Variants in AHRR observed in about 807,000 individuals in gnomAD.
AHRR encodes the protein aryl hydrocarbon receptor repressor.
AHRR carries 28 observed loss-of-function variants against 44.0 expected under a neutral mutation model. The ratio of observed to expected loss-of-function variants is 0.64; its 90% CI spans 0.47 to 0.87. The LOEUF (loss-of-function observed/expected upper bound fraction) is 0.87. AHRR is among the 40% of genes least tolerant of loss of function. The pLI is 0.00. For synonymous variants in AHRR, 434 were observed against 407.0 expected (o/e 1.07, Z -0.80); for missense variants, 990 against 953.9 (o/e 1.04, Z -0.50).
chr5:398,409 C>CTGG (rs1734861323), intron 4 of AHRR, among the ~76,000 whole-genome samples: 1 of 135,382 alleles, frequency 7.4e-6, no homozygotes, highest in African/African-American at 2.8e-5. Context: ...GACTGTCCAC[C>CTGG]TTAGCCCCTG....
chr5:372,786 C>A (rs1336832202), intron 3 of AHRR, among the ~76,000 whole-genome samples: 1 of 152,220 alleles, frequency 6.6e-6, no homozygotes, highest in Non-Finnish European at 1.5e-5. Context: ...GACCTGCCTT[C>A]TGGCTCCTCC....
intron 7 of AHRR, among the ~76,000 whole-genome samples, chr5:425,969 A>G (rs1736369017): frequency 2.0e-5 from 3 of 152,214 alleles, no homozygotes; most frequent in African/African-American, 7.2e-5. Flanking sequence ...CACAGGGCCA[A>G]CTGAAAATGG....
chr5:422,681 T>TA (rs1384327650), intron 5 of AHRR, 48 bp from the exon 6 acceptor site: 1 of 1,613,856 alleles, frequency 6.2e-7, no homozygotes, highest in Non-Finnish European at 8.5e-7. Context: ...ATAAAGTGTC[T>TA]AAAGCCACTT....
chr5:392,588 C>T lies in AHRR; in HGVS notation c.351+15872C>T, dbSNP rs943909872. Among the ~76,000 whole-genome samples the T allele has an allele frequency of 3.9e-5, 6 of 152,270 alleles. No homozygotes were observed. The South Asian group carries it at 1.2e-3, about 32-fold the overall frequency. On this transcript the variant is annotated intron_variant, in intron 4 of 10. Transcript: ENST00000684583. Reference sequence around the variant, plus strand: ...ACCCAACAGTGACTCGTTATGTAAGCGTGTGACTTAGCAAGACAGAGGAAA... The same window carrying T: ...ACCCAACAGTGACTCGTTATGTAAGTGTGTGACTTAGCAAGACAGAGGAAA...
rs541845192 is a variant in AHRR at position 388,790 on chromosome 5, A to G, written c.351+12074A>G. Among the ~76,000 whole-genome samples, 1 of 152,282 alleles carries G rather than the reference A, an allele frequency of 6.6e-6. No individual in the cohort carries two copies. The highest frequency in any genetic ancestry group is 2.1e-4 in the South Asian group (1 of 4,820). On this transcript the variant is annotated intron_variant, in intron 4 of 10. Transcript: ENST00000684583. This position sits in a 1 kb window ranked among gnomAD's most constrained non-coding sequence, Gnocchi z 5.2. ...TTCAAACCTCAAAGCCACTGGGCAG[A>G]GGTTCCGTCCCGCTGGCTGGATGGA... is the stretch of plus-strand genomic sequence containing the variant.
Position 436,272 on chromosome 5 carries a change from CT to C in AHRR, c.*1439del, listed in dbSNP as rs5865330. 2,987 of 49,030 alleles carry C rather than the reference CT, an allele frequency of 0.061. 119 individuals are homozygous for C. Among genetic ancestry groups the C allele is most frequent in the Non-Finnish European group, 0.091 (1,764 of 19,292 alleles). 3.0% of individuals were successfully genotyped at this position (49,030 alleles called of 1,614,324 possible). A position where few individuals can be genotyped will look rare whatever the true frequency, so the allele number is the denominator to read the frequency against. On this transcript the variant is annotated 3_prime_UTR_variant, in exon 11 of 11. Coordinates refer to ENST00000684583, the MANE Select transcript of AHRR (RefSeq NM_001377236.1). ...CCCGCGGGTGAGGGACCCACCACCC[CT>C]AGGGACCCACCACCCCGCCGCACTG...
At chr5:376,555 A>ACCGTGGGT in intron 3 of AHRR, 55 bp from the exon 4 acceptor site, 1 of 1,428,920 alleles carries the variant, frequency 7.0e-7, no homozygotes, top group Non-Finnish European at 9.4e-7. Flanking sequence ...TGAATGAAGA[A>ACCGTGGGT]GAGTGGCCAG....
Position 398,177 on chromosome 5 carries a change from C to T in AHRR, c.352-15167C>T, listed in dbSNP as rs903812910. Reference sequence around the variant, plus strand: ...CATCCACGTAGCCCCTGACCATCCACGTAGCTCCTGACCATCCACGTAGCT... The same window carrying T: ...CATCCACGTAGCCCCTGACCATCCATGTAGCTCCTGACCATCCACGTAGCT... On this transcript the variant is annotated intron_variant, in intron 4 of 10. Coordinates refer to ENST00000684583, the MANE Select transcript of AHRR (RefSeq NM_001377236.1). 1.8e-4 allele frequency among the ~76,000 whole-genome samples: 23 copies of T among 124,792 alleles called. 1 individual carries two copies. The highest frequency in any genetic ancestry group is 6.5e-5 in the Non-Finnish European group (4 of 61,652). The allele number at this position is 124,792 out of a possible 152,430, so 81.9% of individuals were successfully genotyped here.
At chr5:328,255 ATTTTTTTTTTTTTTTT>A (rs70955232) in intron 1 of AHRR, among the ~76,000 whole-genome samples, 2 of 54,254 alleles carry the variant, frequency 3.7e-5, no homozygotes, top group African/African-American at 6.0e-5. Context: ...CCAACATCTG[ATTTTTTTTTTTTTTTT>A]TTTTTTTTTT....
At chr5:414,678 A>C (rs1279074937) in intron 5 of AHRR, among the ~76,000 whole-genome samples, 1 of 152,254 alleles carries the variant, frequency 6.6e-6, no homozygotes, top group Non-Finnish European at 1.5e-5. Flanking sequence ...AAATAGATTT[A>C]AAACAATAAA....
intron 4 of AHRR, among the ~76,000 whole-genome samples, chr5:392,848 G>A (rs1014423424): frequency 2.0e-5 from 3 of 151,954 alleles, no homozygotes; most frequent in African/African-American, 7.3e-5. Context: ...GCTTACTTTG[G>A]TTCTTGGCTG....
intron 4 of AHRR, among the ~76,000 whole-genome samples, chr5:403,410 T>C (rs113423576): frequency 6.6e-6 from 1 of 151,992 alleles, no homozygotes; most frequent in South Asian, 2.1e-4. Context: ...CCAAGGCGGG[T>C]GGATCACCTG....
chr5:405,755 G>T lies in AHRR; in HGVS notation c.352-7589G>T, dbSNP rs1053360074. On this transcript the variant is annotated intron_variant, in intron 4 of 10. Coordinates refer to ENST00000684583, the MANE Select transcript of AHRR (RefSeq NM_001377236.1). This position sits in a 1 kb window ranked among gnomAD's most constrained non-coding sequence, Gnocchi z 4.5. ...GTAACATCTTACTGCTCCCCTCGCA[G>T]ACTGTTGAGTTGGTCTTTGACAAGT... 6.6e-6 allele frequency among the ~76,000 whole-genome samples: 1 copy of T among 152,236 alleles called. No individual in the cohort carries two copies. Among genetic ancestry groups the T allele is most frequent in the African/African-American group, 2.4e-5 (1 of 41,466 alleles).
chr5:330,241 G>A (rs1741861913), intron 1 of AHRR, among the ~76,000 whole-genome samples: 2 of 152,140 alleles, frequency 1.3e-5, no homozygotes, highest in African/African-American at 4.8e-5. Context: ...TTTTGTCCTT[G>A]ATTCTGTTTA....
chr5:355,346 G>C (rs1184117088), intron 3 of AHRR, among the ~76,000 whole-genome samples: 2 of 152,118 alleles, frequency 1.3e-5, no homozygotes, highest in African/African-American at 4.8e-5. Flanking sequence ...TCCCAGGTTT[G>C]CCTTCTGGGA....
rs538946719 is a variant in AHRR, at chr5:353,857, C to G, written c.190C>G (p.Leu64Val). 6.2e-7 allele frequency: 1 copy of G among 1,614,146 alleles called. No homozygotes were observed. Among genetic ancestry groups the G allele is most frequent in the Non-Finnish European group, 8.5e-7 (1 of 1,180,006 alleles). ...PPDIISKLDKLSVLRLSVSYL... is the reference protein window; with the variant it reads ...PPDIISKLDKVSVLRLSVSYL... ...TGACATCATCTCCAAGCTGGACAAGCTTTCTGTCCTGCGCCTCAGTGTCAG... is the reference window on the plus strand; with the variant it reads ...TGACATCATCTCCAAGCTGGACAAGGTTTCTGTCCTGCGCCTCAGTGTCAG... Residue 64 changes from leucine to valine, a missense_variant, in exon 3 of 11, where the codon CTT becomes GTT. Leu to Val is a conservative substitution (Grantham distance 32, BLOSUM62 1). Coordinates refer to ENST00000684583, the MANE Select transcript of AHRR (RefSeq NM_001377236.1).
At chr5:375,711 G>C (rs903802146) in intron 3 of AHRR, among the ~76,000 whole-genome samples, 1 of 152,224 alleles carries the variant, frequency 6.6e-6, no homozygotes, top group Non-Finnish European at 1.5e-5. Context: ...TTTGGTCCAC[G>C]CACTGGGGCC....
intron 4 of AHRR, among the ~76,000 whole-genome samples, chr5:378,755 G>C (rs148569386): frequency 2.3e-4 from 35 of 152,282 alleles, no homozygotes; most frequent in African/African-American, 8.4e-4. Flanking sequence ...AGAGCTTCTA[G>C]GTTTTCATTC....
At chr5:417,519 A>T (rs1455283642) in intron 5 of AHRR, among the ~76,000 whole-genome samples, 1 of 152,186 alleles carries the variant, frequency 6.6e-6, no homozygotes, top group African/African-American at 2.4e-5. Context: ...AATCACTGTC[A>T]ACTCTAGTTA....
Sources: allele counts gnomAD v4.1 joint callset (sites outside exome capture counted in the v4.1 genomes callset), GRCh38; gene constraint gnomAD v4.1.1; non-coding constraint Gnocchi (gnomAD v3.1); transcripts MANE v1.5; gene names NCBI Gene and HGNC (gene_info 2026-07-23, HGNC 2026-07-21).